TAFA2: variants seen among roughly 807,000 people sequenced by gnomAD.
The protein encoded by TAFA2 is chemokine-like protein TAFA-2.
Under a neutral mutation model 18.8 loss-of-function variants are expected in TAFA2, and 7 were observed. The ratio of observed to expected loss-of-function variants is 0.37; its 90% CI spans 0.21 to 0.70. The LOEUF (loss-of-function observed/expected upper bound fraction) is 0.70. Ranked by LOEUF, TAFA2 falls within the 30% of genes least tolerant of loss-of-function variation. The probability of loss-of-function intolerance (pLI) is 0.53; values close to 1 mark genes in which losing one functional copy is unlikely to be tolerated. For missense variants in TAFA2, 122 were observed against 158.1 expected (o/e 0.77, Z 1.23); for synonymous variants, 60 against 54.2 (o/e 1.11, Z -0.47).
intron 2 of TAFA2, among the ~76,000 whole-genome samples, chr12:61,827,849 A>G (rs889755952): frequency 1.3e-5 from 2 of 152,006 alleles, no homozygotes; most frequent in African/African-American, 4.8e-5. Context: ...GAATTTCTAG[A>G]TAGTGCATAA....
intron 1 of TAFA2, among the ~76,000 whole-genome samples, chr12:62,105,659 C>T (rs894221041): frequency 2.6e-5 from 4 of 152,138 alleles, no homozygotes; most frequent in South Asian, 2.1e-4. Flanking sequence ...TGGCTGATGA[C>T]GCATCCCAGA....
At chr12:61,789,492 G>A (rs1870881851) in intron 2 of TAFA2, among the ~76,000 whole-genome samples, 1 of 151,730 alleles carries the variant, frequency 6.6e-6, no homozygotes, top group African/African-American at 2.4e-5. Flanking sequence ...GCTGAGCAAT[G>A]AGAACACACA....
At chr12:61,974,292 A>G (rs541661036) in intron 1 of TAFA2, among the ~76,000 whole-genome samples, 7 of 151,940 alleles carry the variant, frequency 4.6e-5, no homozygotes, top group Middle Eastern at 6.8e-3. Flanking sequence ...CAAATACTCA[A>G]AATATGTAGA....
At chr12:62,249,934 T>G (rs1322309362) in intron 1 of TAFA2, among the ~76,000 whole-genome samples, 1 of 152,192 alleles carries the variant, frequency 6.6e-6, no homozygotes, top group East Asian at 1.9e-4. Flanking sequence ...TTTCACTTTT[T>G]TGGGGGGCCT....
At chr12:61,838,685 G>A (rs17125406) in intron 2 of TAFA2, among the ~76,000 whole-genome samples, 20,268 of 151,970 alleles carry the variant, frequency 0.13, 1,468 homozygotes, top group East Asian at 0.2. Flanking sequence ...TGAAAAATGT[G>A]CTCTTTCCAG....
intron 1 of TAFA2, among the ~76,000 whole-genome samples, chr12:62,216,154 G>C (rs184906218): frequency 2.2e-4 from 34 of 152,290 alleles, no homozygotes; most frequent in Non-Finnish European, 4.7e-4. Flanking sequence ...TGGGGGTAAA[G>C]TAACAAATGG....
Position 61,740,478 on chromosome 12 carries a change from T to TA in TAFA2, c.384+13143dup, listed in dbSNP as rs796383203. Among the ~76,000 whole-genome samples, 918 of 138,792 alleles carry TA rather than the reference T, an allele frequency of 6.6e-3. 3 individuals are homozygous for TA. The highest frequency in any genetic ancestry group is 0.022 in the African/African-American group (859 of 38,248). The allele number at this position is 138,792 out of a possible 152,430, so 91.1% of individuals were successfully genotyped here. A position where few individuals can be genotyped will look rare whatever the true frequency, so the allele number is the denominator to read the frequency against. On this transcript the variant is annotated intron_variant, in intron 4 of 4. Transcript: ENST00000416284. ...CACATGTATCCCACAACTTAAAGTCTAAAAAAAAAAAGTCTAAAAACAAAT... is the reference window on the plus strand; with the variant it reads ...CACATGTATCCCACAACTTAAAGTCTAAAAAAAAAAAAGTCTAAAAACAAAT...
intron 1 of TAFA2, among the ~76,000 whole-genome samples, chr12:61,982,649 A>G (rs1294623469): frequency 2.6e-5 from 4 of 152,094 alleles, no homozygotes; most frequent in African/African-American, 9.7e-5. Context: ...TCCCCTCAGT[A>G]TGGAGATATA....
chr12:62,079,131 A>G (rs375522396), intron 1 of TAFA2, among the ~76,000 whole-genome samples: 1 of 152,156 alleles, frequency 6.6e-6, no homozygotes, highest in African/African-American at 2.4e-5. Context: ...CTCCAGCGTC[A>G]GCTCTTCAGG....
rs114628409 is a variant in TAFA2 at position 61,950,782 on chromosome 12, T to C, written c.-1-83356A>G. ...AAGTCTAAGTCTGTTTCTTCTCTGC[T>C]CTACACCCAGCACCTATTATAATAA... On this transcript the variant is annotated intron_variant, in intron 1 of 4. Coordinates refer to ENST00000416284, the MANE Select transcript of TAFA2 (RefSeq NM_178539.5). 1.7e-3 allele frequency among the ~76,000 whole-genome samples: 253 copies of C among 152,266 alleles called. 1 individual carries two copies. The highest frequency in any genetic ancestry group is 5.8e-3 in the African/African-American group (243 of 41,558).
intron 1 of TAFA2, among the ~76,000 whole-genome samples, chr12:61,989,223 G>A (rs184798029): frequency 1.1e-4 from 17 of 152,206 alleles, no homozygotes; most frequent in Non-Finnish European, 2.2e-4. Flanking sequence ...CTAAAATAGA[G>A]TTGCATGTGT....
intron 4 of TAFA2, among the ~76,000 whole-genome samples, chr12:61,720,165 A>G (rs1256589099): frequency 2.0e-5 from 3 of 152,142 alleles, no homozygotes; most frequent in Non-Finnish European, 4.4e-5. Flanking sequence ...CTAATTATTT[A>G]TAATGCTTAG....
At chr12:62,215,265 T>C (rs1262885202) in intron 1 of TAFA2, among the ~76,000 whole-genome samples, 1 of 152,212 alleles carries the variant, frequency 6.6e-6, no homozygotes, top group African/African-American at 2.4e-5. Flanking sequence ...TGAATGCAGA[T>C]GTGCAGTCAC....
At chr12:62,185,190 A>G (rs567702565) in intron 1 of TAFA2, among the ~76,000 whole-genome samples, 2 of 152,318 alleles carry the variant, frequency 1.3e-5, no homozygotes, top group South Asian at 2.1e-4. Flanking sequence ...ACTGTCATAT[A>G]ACAGTCATTA....
intron 2 of TAFA2, among the ~76,000 whole-genome samples, chr12:61,806,686 G>GA (rs1871627460): frequency 1.3e-5 from 2 of 152,184 alleles, no homozygotes; most frequent in Non-Finnish European, 2.9e-5. Context: ...AATGCTGATA[G>GA]CAATATAGAC....
At chr12:62,058,813 T>G (rs114067932) in intron 1 of TAFA2, among the ~76,000 whole-genome samples, 3,632 of 152,152 alleles carry the variant, frequency 0.024, 146 homozygotes, top group African/African-American at 0.082. Context: ...TTTTAAAAAA[T>G]ATATCTGAGT....
intron 2 of TAFA2, chr12:61,776,502 C>T (rs1870270364): frequency 6.6e-6 from 1 of 151,880 alleles, no homozygotes; most frequent in Admixed American, 6.6e-5. Flanking sequence ...ACAGACTATA[C>T]TAGGATAAAG....
chr12:61,881,152 A>C (rs1875119234), intron 1 of TAFA2, among the ~76,000 whole-genome samples: 1 of 152,184 alleles, frequency 6.6e-6, no homozygotes, highest in African/African-American at 2.4e-5. Flanking sequence ...GGTTTGTTTT[A>C]AATGCTAAAC....
chr12:61,901,567 GAC>G (rs1305650273), intron 1 of TAFA2, among the ~76,000 whole-genome samples: 1 of 151,740 alleles, frequency 6.6e-6, no homozygotes, highest in African/African-American at 2.4e-5. Flanking sequence ...CAAAAAAAAA[GAC>G]ACACAACATA....
Sources: allele counts gnomAD v4.1 joint callset (sites outside exome capture counted in the v4.1 genomes callset), GRCh38; gene constraint gnomAD v4.1.1; transcripts MANE v1.5; gene names NCBI Gene and HGNC (gene_info 2026-07-23, HGNC 2026-07-21).